TBCD: variants seen among roughly 807,000 people sequenced by gnomAD.
TBCD encodes tubulin-specific chaperone D.
A neutral mutation model predicts 169.3 loss-of-function variants in TBCD; 105 were observed. The observed-to-expected ratio is 0.62, with a 90% CI of 0.53 to 0.73. The LOEUF is 0.73. Among genes scored for constraint, TBCD ranks in the 30% least tolerant of loss-of-function variants. The pLI is 0.00. For missense variants in TBCD, 1,444 were observed against 1,600.1 expected, an observed-to-expected ratio of 0.90 and a Z score of 1.66; for synonymous variants, 700 against 643.9, an observed-to-expected ratio of 1.09 and a Z score of -1.32.
intron 7 of TBCD, chr17:82,795,407 C>T (rs949509945): frequency 3.7e-5 from 12 of 323,642 alleles, no homozygotes; most frequent in Non-Finnish European, 4.0e-5. Flanking sequence ...CTTTGTCCTG[C>T]GTCCGCCCAC....
chr17:82,785,704 A>T (rs2677916), intron 7 of TBCD, among the ~76,000 whole-genome samples: 64 of 22,836 alleles, frequency 2.8e-3, no homozygotes, highest in Middle Eastern at 0.023. Context: ...GGGGTCCATG[A>T]TGTGTGACTG....
At chr17:82,867,815 T>C (rs957850460) in intron 13 of TBCD, among the ~76,000 whole-genome samples, 2 of 152,244 alleles carry the variant, frequency 1.3e-5, no homozygotes, top group Non-Finnish European at 2.9e-5. Flanking sequence ...TTGCAAATCA[T>C]CCAGCAGTTT....
At chr17:82,809,022 G>T (rs1420202379) in intron 11 of TBCD, among the ~76,000 whole-genome samples, 1 of 151,996 alleles carries the variant, frequency 6.6e-6, no homozygotes, top group African/African-American at 2.4e-5. Context: ...TCTCCCATGC[G>T]TCTGTGCTGG....
chr17:82,866,190 G>C (rs753100816), intron 13 of TBCD, among the ~76,000 whole-genome samples: 1 of 152,178 alleles, frequency 6.6e-6, no homozygotes, highest in African/African-American at 2.4e-5. Context: ...GTGCCTGGCT[G>C]TCAAGGCTGG....
rs963774196 is a variant in TBCD, at chr17:82,915,186, C to T, written c.2038+3397C>T. On this transcript the variant is annotated intron_variant, in intron 23 of 38. Coordinates refer to ENST00000355528, the MANE Select transcript of TBCD (RefSeq NM_005993.5). This position sits in a 1 kb window ranked among gnomAD's most constrained non-coding sequence, Gnocchi z 4.3. ...TCTCACCCAGGCCAGAGGATGGCGCCCTTACCCCCGAGGACGCCGGCATGT... is the reference window on the plus strand; with the variant it reads ...TCTCACCCAGGCCAGAGGATGGCGCTCTTACCCCCGAGGACGCCGGCATGT... 2.0e-5 allele frequency among the ~76,000 whole-genome samples: 3 copies of T among 152,090 alleles called. No homozygotes were observed. Among genetic ancestry groups the T allele is most frequent in the South Asian group, 2.1e-4 (1 of 4,820 alleles).
At chr17:82,901,004 G>A (rs144941980) in intron 18 of TBCD, among the ~76,000 whole-genome samples, 19 of 152,342 alleles carry the variant, frequency 1.2e-4, no homozygotes, top group Non-Finnish European at 1.9e-4. Context: ...TGCCGCTGCC[G>A]TCCGAGGGGG....
At chr17:82,885,742 A>T (rs2058669681) in intron 15 of TBCD, among the ~76,000 whole-genome samples, 1 of 151,810 alleles carries the variant, frequency 6.6e-6, no homozygotes, top group Non-Finnish European at 1.5e-5. Flanking sequence ...CCTGAATATG[A>T]AGTGAAATAA....
At chr17:82,798,946 C>T (rs1158336533) in intron 8 of TBCD, among the ~76,000 whole-genome samples, 1 of 151,528 alleles carries the variant, frequency 6.6e-6, no homozygotes, top group Admixed American at 6.6e-5. Context: ...GCTGTCCAGG[C>T]TGGTCTTGAA....
At chr17:82,913,533 C>A (rs2060805970) in intron 23 of TBCD, 1 of 152,318 alleles carries the variant, frequency 6.6e-6, no homozygotes, top group Non-Finnish European at 1.5e-5. Flanking sequence ...TGAAGGCGTT[C>A]CGAATCCCCG....
rs571673744 is a variant in TBCD, at chr17:82,859,276, C to CT, written c.1319-10947dup. On this transcript the variant is annotated intron_variant, in intron 13 of 38. Coordinates refer to ENST00000355528, the MANE Select transcript of TBCD (RefSeq NM_005993.5). Reference sequence around the variant, plus strand: ...CTGCCGGCTCTGTGTCCTCCCTACACTGACACACTGGCTTTCAGAGAAAGG... The same window carrying CT: ...CTGCCGGCTCTGTGTCCTCCCTACACTTGACACACTGGCTTTCAGAGAAAGG... 6.8e-4 allele frequency among the ~76,000 whole-genome samples: 102 copies of CT among 149,870 alleles called. 1 individual carries two copies. The highest frequency in any genetic ancestry group is 2.2e-3 in the African/African-American group (90 of 40,324).
At position 82,832,675 on chromosome 17, in the gene TBCD, G is replaced by T; in HGVS notation, c.1318+17741G>T. On this transcript the variant is annotated intron_variant, in intron 13 of 38. Coordinates refer to ENST00000355528, the MANE Select transcript of TBCD (RefSeq NM_005993.5). The surrounding 1 kb of genome is among the most constrained non-coding windows in gnomAD (Gnocchi z 4.9). ...CAGTCTTGGTGTCAGGACAGCGAGT[G>T]AGGGGTCGGCGAGAAGCCGGCCTCG... The T allele has an allele frequency of 1.7e-6, 1 of 590,388 alleles. No individual in the cohort carries two copies. The highest frequency in any genetic ancestry group is 3.0e-6 in the Non-Finnish European group (1 of 333,280). The allele number at this position is 590,388 out of a possible 1,614,324, so 36.6% of individuals were successfully genotyped here. A position where few individuals can be genotyped will look rare whatever the true frequency, so the allele number is the denominator to read the frequency against.
rs1022927653 is a variant in TBCD, at chr17:82,806,546, C to T, written c.1087+535C>T. ...GGCTCCTGTCCACACACTGTCCTGC[C>T]CTCCTGCCGCGGTTGGATGAAGTCT... On this transcript the variant is annotated intron_variant, in intron 10 of 38. Coordinates refer to ENST00000355528, the MANE Select transcript of TBCD (RefSeq NM_005993.5). The surrounding 1 kb of genome is among the most constrained non-coding windows in gnomAD (Gnocchi z 5.1). 3.9e-5 allele frequency among the ~76,000 whole-genome samples: 6 copies of T among 152,118 alleles called. No homozygotes were observed. The highest frequency in any genetic ancestry group is 1.2e-4 in the African/African-American group (5 of 41,404).
At position 82,889,865 on chromosome 17, in the gene TBCD, C is replaced by T. The variant is rs920598844; in HGVS notation, c.1563+168C>T. 2.6e-5 allele frequency among the ~76,000 whole-genome samples: 4 copies of T among 152,242 alleles called. No individual in the cohort carries two copies. Among genetic ancestry groups the T allele is most frequent in the Non-Finnish European group, 4.4e-5 (3 of 68,040 alleles). On this transcript the variant is annotated intron_variant, in intron 16 of 38. Coordinates refer to ENST00000355528, the MANE Select transcript of TBCD (RefSeq NM_005993.5). This position sits in a 1 kb window ranked among gnomAD's most constrained non-coding sequence, Gnocchi z 5.3. ...AGGACGCACATGTTAAACAGCGAGT[C>T]CTGTTTCACAGGGAACCTGCATGTA...
chr17:82,759,483 C>T (rs79310530), intron 2 of TBCD, among the ~76,000 whole-genome samples: 9 of 145,216 alleles, frequency 6.2e-5, no homozygotes, highest in African/African-American at 2.3e-4. Flanking sequence ...CAGACTGTCT[C>T]AAAAAAAAAA....
rs924416816 is a variant in TBCD, at chr17:82,915,817, G to A, written c.2038+4028G>A. On this transcript the variant is annotated intron_variant, in intron 23 of 38. Coordinates refer to ENST00000355528, the MANE Select transcript of TBCD (RefSeq NM_005993.5). This position sits in a 1 kb window ranked among gnomAD's most constrained non-coding sequence, Gnocchi z 4.3. ...CAGAGGGACTGGTGAGCCTTGAGTC[G>A]GCCACAGGTGTGTGGAGGATCGTGA... Among the ~76,000 whole-genome samples the A allele has an allele frequency of 8.5e-5, 13 of 152,102 alleles. No individual in the cohort carries two copies. Among genetic ancestry groups the A allele is most frequent in the African/African-American group, 3.1e-4 (13 of 41,416 alleles).
At position 82,900,649 on chromosome 17, in the gene TBCD, AGT is replaced by A; in HGVS notation, c.1653_1654del (p.Phe552TyrfsTer6). On this transcript the variant is annotated splice_acceptor_variant and coding_sequence_variant, in exon 18 of 39. Transcript: ENST00000355528. LOFTEE classifies it high-confidence loss of function. ...ACCACCTCTCCATGCTGTCTTTTCC[AGT>A]GTGTTTATTGCCGGCTTTCCTGAGT... 6.2e-7 allele frequency: 1 copy of A among 1,613,622 alleles called. No individual in the cohort carries two copies.
At chr17:82,932,262 G>C (rs1314873289) in intron 33 of TBCD, 1 of 325,858 alleles carries the variant, frequency 3.1e-6, no homozygotes, top group Non-Finnish European at 5.8e-6. Flanking sequence ...TTTCTTACAT[G>C]GTATAGCGTC....
At chr17:82,770,307 G>T (rs2048238843) in intron 5 of TBCD, among the ~76,000 whole-genome samples, 1 of 152,312 alleles carries the variant, frequency 6.6e-6, no homozygotes, top group African/African-American at 2.4e-5. Context: ...GTTAGAGGTA[G>T]TGTGGTGATG....
At chr17:82,793,197 G>T (rs2049870067) in intron 7 of TBCD, among the ~76,000 whole-genome samples, 1 of 152,232 alleles carries the variant, frequency 6.6e-6, no homozygotes, top group African/African-American at 2.4e-5. Flanking sequence ...ATCCAGCAAT[G>T]AAAGTTTTCA....
Sources: allele counts gnomAD v4.1 joint callset (sites outside exome capture counted in the v4.1 genomes callset), GRCh38; gene constraint gnomAD v4.1.1; non-coding constraint Gnocchi (gnomAD v3.1); transcripts MANE v1.5; gene names NCBI Gene and HGNC (gene_info 2026-07-23, HGNC 2026-07-21).